NEMP2: variants seen among roughly 807,000 people sequenced by gnomAD.
NEMP2 encodes the protein nuclear envelope integral membrane protein 2.
NEMP2 carries 53 observed loss-of-function variants against 54.2 expected under a neutral mutation model. The ratio of observed to expected loss-of-function variants is 0.98; its 90% CI spans 0.78 to 1.23. The LOEUF (loss-of-function observed/expected upper bound fraction) is 1.23, where lower values mean the gene tolerates loss of function less well. Among genes scored for constraint, NEMP2 ranks in the 50% most tolerant of loss-of-function variants. NEMP2 has a pLI of 0.00. For missense variants in NEMP2, 455 were observed against 511.3 expected, an observed-to-expected ratio of 0.89 and a Z score of 1.06; for synonymous variants, 197 against 190.3, an observed-to-expected ratio of 1.04 and a Z score of -0.29.
At chr2:190,572,833 G>GTTCATATATATA in the NEMP2 span, among the ~76,000 whole-genome samples, 5 of 47,866 alleles carry the variant, frequency 1.0e-4, no homozygotes, top group African/African-American at 4.3e-4. Context: ...CTTTTCATGA[G>GTTCATATATATA]TATATATATA....
the NEMP2 span, among the ~76,000 whole-genome samples, chr2:190,569,814 C>T: frequency 6.6e-6 from 1 of 151,890 alleles, no homozygotes; most frequent in African/African-American, 2.4e-5. Flanking sequence ...GACCCTTTCT[C>T]CAACAATAAA....
chr2:190,638,012 C>T, the NEMP2 span, among the ~76,000 whole-genome samples: 1 of 152,160 alleles, frequency 6.6e-6, no homozygotes, highest in South Asian at 2.1e-4. This position sits in a 1 kb window ranked among gnomAD's most constrained non-coding sequence, Gnocchi z 5.7. Flanking sequence ...ACTGGGTGCC[C>T]GAGAGGGAGG....
chr2:190,460,520 C>T, the NEMP2 span, among the ~76,000 whole-genome samples: 1 of 152,222 alleles, frequency 6.6e-6, no homozygotes, highest in African/African-American at 2.4e-5. Context: ...CATATTTTCT[C>T]TTCCGTTCCG....
At chr2:190,555,943 T>G in the NEMP2 span, among the ~76,000 whole-genome samples, 150 of 151,906 alleles carry the variant, frequency 9.9e-4, no homozygotes, top group African/African-American at 3.4e-3. The surrounding 1 kb of genome is among the most constrained non-coding windows in gnomAD (Gnocchi z 4.8). Flanking sequence ...TTCCAAACAA[T>G]AGAAAAAGAG....
rs890700969 is a variant in NEMP2, at chr2:190,527,407, C to T, written c.98-2029G>A. 6.6e-6 allele frequency among the ~76,000 whole-genome samples: 1 copy of T among 152,096 alleles called. No individual in the cohort carries two copies. The highest frequency in any genetic ancestry group is 2.4e-5 in the African/African-American group (1 of 41,370). Reference sequence around the variant, plus strand: ...GATCCTGGGAATGCTCGCCATCTCCCAGAACACAACTCCATAAAAGGGAGG... The same window carrying T: ...GATCCTGGGAATGCTCGCCATCTCCTAGAACACAACTCCATAAAAGGGAGG... On this transcript the variant is annotated intron_variant, in intron 1 of 8. Coordinates refer to ENST00000409150, the MANE Select transcript of NEMP2 (RefSeq NM_001142645.2). The surrounding 1 kb of genome is among the most constrained non-coding windows in gnomAD (Gnocchi z 4.0).
chr2:190,499,791 G>A (rs775459112), downstream of NEMP2: 144 of 1,504,538 alleles, frequency 9.6e-5, no homozygotes, highest in Non-Finnish European at 1.2e-4. The surrounding 1 kb of genome is among the most constrained non-coding windows in gnomAD (Gnocchi z 6.0). Context: ...CACAAGACAC[G>A]TCTGCTTATA....
the NEMP2 span, among the ~76,000 whole-genome samples, chr2:190,604,717 T>A: frequency 6.6e-6 from 1 of 152,190 alleles, no homozygotes; most frequent in Non-Finnish European, 1.5e-5. The surrounding 1 kb of genome is among the most constrained non-coding windows in gnomAD (Gnocchi z 4.5). Context: ...TGTGTTTTAA[T>A]GTTGTCCAGC....
the NEMP2 span, among the ~76,000 whole-genome samples, chr2:190,617,395 G>A: frequency 6.6e-6 from 1 of 152,054 alleles, no homozygotes; most frequent in Admixed American, 6.6e-5. This position sits in a 1 kb window ranked among gnomAD's most constrained non-coding sequence, Gnocchi z 5.0. Flanking sequence ...TCAAAATGGA[G>A]GAACAAAAGT....
the NEMP2 span, among the ~76,000 whole-genome samples, chr2:190,618,888 G>C: frequency 6.6e-6 from 1 of 152,160 alleles, no homozygotes; most frequent in African/African-American, 2.4e-5. Context: ...AACTTTTTAC[G>C]TACTCTGTGA....
chr2:190,585,982 G>A, the NEMP2 span, among the ~76,000 whole-genome samples: 8 of 152,196 alleles, frequency 5.3e-5, no homozygotes, highest in East Asian at 1.2e-3. This position sits in a 1 kb window ranked among gnomAD's most constrained non-coding sequence, Gnocchi z 5.3. Context: ...TAGACACACC[G>A]TTTGCTTATT....
the NEMP2 span, among the ~76,000 whole-genome samples, chr2:190,634,913 G>C: frequency 6.6e-6 from 1 of 152,188 alleles, no homozygotes; most frequent in Non-Finnish European, 1.5e-5. This position sits in a 1 kb window ranked among gnomAD's most constrained non-coding sequence, Gnocchi z 6.8. Context: ...GGGAGAGACA[G>C]GACTGAGGAT....
the NEMP2 span, among the ~76,000 whole-genome samples, chr2:190,596,424 C>G: frequency 6.6e-6 from 1 of 152,134 alleles, no homozygotes; most frequent in Non-Finnish European, 1.5e-5. The surrounding 1 kb of genome is among the most constrained non-coding windows in gnomAD (Gnocchi z 5.1). Context: ...AGGTTGTATG[C>G]ACCACCACTT....
the NEMP2 span, among the ~76,000 whole-genome samples, chr2:190,567,183 A>T: frequency 6.6e-6 from 1 of 152,154 alleles, no homozygotes; most frequent in Non-Finnish European, 1.5e-5. This position sits in a 1 kb window ranked among gnomAD's most constrained non-coding sequence, Gnocchi z 4.0. Context: ...GGAAACTAAA[A>T]ATATAATTTT....
At chr2:190,478,296 G>T in the NEMP2 span, among the ~76,000 whole-genome samples, 1 of 152,158 alleles carries the variant, frequency 6.6e-6, no homozygotes, top group South Asian at 2.1e-4. Context: ...TCTGTGGCCA[G>T]TTTCCACAGA....
chr2:190,452,342 A>G, the NEMP2 span, among the ~76,000 whole-genome samples: 1 of 152,208 alleles, frequency 6.6e-6, no homozygotes, highest in African/African-American at 2.4e-5. Context: ...TATTTTAAAA[A>G]TAGTAATTAT....
intron 1 of NEMP2, among the ~76,000 whole-genome samples, chr2:190,532,813 C>T (rs1202423998): frequency 6.6e-6 from 1 of 152,218 alleles, no homozygotes; most frequent in East Asian, 1.9e-4. Flanking sequence ...GGGCTGCCAA[C>T]AGTGTCACTG....
the NEMP2 span, among the ~76,000 whole-genome samples, chr2:190,458,125 T>C: frequency 6.6e-6 from 1 of 152,188 alleles, no homozygotes; most frequent in Non-Finnish European, 1.5e-5. This position sits in a 1 kb window ranked among gnomAD's most constrained non-coding sequence, Gnocchi z 5.3. Flanking sequence ...TGGCATTCTT[T>C]ACTCAAGTTT....
intron 5 of NEMP2, 76 bp from the exon 6 acceptor site, chr2:190,516,460 C>T (rs995491078): frequency 3.6e-6 from 4 of 1,109,690 alleles, no homozygotes; most frequent in Non-Finnish European, 5.2e-6. Flanking sequence ...ACAAATAAAC[C>T]TTTTGTATTA....
At chr2:190,646,617 C>G in the NEMP2 span, 1 of 152,178 alleles carries the variant, frequency 6.6e-6, no homozygotes, top group African/African-American at 2.4e-5. Context: ...GTAAAGTGGG[C>G]CAAAAATGCC....
Sources: allele counts gnomAD v4.1 joint callset (sites outside exome capture counted in the v4.1 genomes callset), GRCh38; gene constraint gnomAD v4.1.1; non-coding constraint Gnocchi (gnomAD v3.1); transcripts MANE v1.5; gene names NCBI Gene and HGNC (gene_info 2026-07-23, HGNC 2026-07-21).